Variants in MYO3A observed in about 807,000 individuals in gnomAD.
MYO3A encodes myosin IIIA.
In MYO3A, 180 loss-of-function variants were observed where a neutral mutation model predicts 192.7. The ratio of observed to expected loss-of-function variants is 0.93; its 90% CI spans 0.83 to 1.06. The LOEUF (loss-of-function observed/expected upper bound fraction) is 1.06, where lower values mean the gene tolerates loss of function less well. Ranked by LOEUF, MYO3A falls within the 50% of genes least tolerant of loss-of-function variation. MYO3A has a pLI of 0.00. For missense variants in MYO3A, 1,896 were observed against 1,905.0 expected (o/e 1.00, Z 0.09); for synonymous variants, 628 against 645.3 (o/e 0.97, Z 0.41).
chr10:26,138,120 C>G (rs1839955995), intron 20 of MYO3A, among the ~76,000 whole-genome samples: 1 of 152,126 alleles, frequency 6.6e-6, no homozygotes, highest in South Asian at 2.1e-4. Context: ...TGACCTACTC[C>G]CTGTTCTTGC....
chr10:25,958,028 C>G (rs1026747769), intron 4 of MYO3A, among the ~76,000 whole-genome samples: 6 of 152,164 alleles, frequency 3.9e-5, no homozygotes, highest in Non-Finnish European at 5.9e-5. Context: ...TTCTCCTATT[C>G]TGTAGGCTGT....
At chr10:26,176,880 G>A in intron 31 of MYO3A, 35 bp downstream of exon 31, 1 of 1,606,372 alleles carries the variant, frequency 6.2e-7, no homozygotes, top group Non-Finnish European at 8.5e-7. Context: ...TCCTGAATGG[G>A]AAGGAAATGC....
At chr10:26,178,455 G>A (rs1457464722) in intron 31 of MYO3A, among the ~76,000 whole-genome samples, 1 of 151,934 alleles carries the variant, frequency 6.6e-6, no homozygotes, top group African/African-American at 2.4e-5. Flanking sequence ...TGGAGGCTGA[G>A]GCAAGTAGAA....
chr10:26,195,058 A>C (rs964035924), intron 32 of MYO3A, among the ~76,000 whole-genome samples: 1 of 152,098 alleles, frequency 6.6e-6, no homozygotes, highest in African/African-American at 2.4e-5. Context: ...CATCACCTTA[A>C]AAAGAAACTC....
At chr10:25,960,872 T>G (rs1413315107) in intron 4 of MYO3A, among the ~76,000 whole-genome samples, 1 of 152,170 alleles carries the variant, frequency 6.6e-6, no homozygotes, top group African/African-American at 2.4e-5. Context: ...GTCAACTGCA[T>G]TTTTTATTTC....
At chr10:26,037,130 G>C (rs1241305549) in intron 10 of MYO3A, among the ~76,000 whole-genome samples, 2 of 152,170 alleles carry the variant, frequency 1.3e-5, no homozygotes, top group Admixed American at 6.5e-5. Flanking sequence ...TCTGGTAAAG[G>C]TGAGAGGATA....
chr10:26,195,027 C>T (rs1005491801), intron 32 of MYO3A, among the ~76,000 whole-genome samples: 1 of 152,124 alleles, frequency 6.6e-6, no homozygotes, highest in Non-Finnish European at 1.5e-5. Context: ...ACAATAATCA[C>T]AATCAATTTT....
chr10:26,032,622 C>G (rs1410750349), intron 10 of MYO3A, among the ~76,000 whole-genome samples: 1 of 148,902 alleles, frequency 6.7e-6, no homozygotes, highest in Non-Finnish European at 1.5e-5. Context: ...TCTCAAAAAA[C>G]AAAAAAACAA....
chr10:26,079,473 T>A (rs374372057), intron 14 of MYO3A, among the ~76,000 whole-genome samples: 1 of 152,230 alleles, frequency 6.6e-6, no homozygotes, highest in Non-Finnish European at 1.5e-5. Context: ...ATCTTTTAAG[T>A]GGAGCCTTTA....
At chr10:26,108,282 C>CA (rs748691010) in intron 17 of MYO3A, among the ~76,000 whole-genome samples, 1 of 152,168 alleles carries the variant, frequency 6.6e-6, no homozygotes, top group Non-Finnish European at 1.5e-5. Flanking sequence ...ATTTTGATTT[C>CA]ATTTTCATAA....
chr10:26,188,120 T>A (rs2132121968), intron 31 of MYO3A, among the ~76,000 whole-genome samples: 1 of 152,270 alleles, frequency 6.6e-6, no homozygotes, highest in African/African-American at 2.4e-5. Context: ...AGTGTAAAAG[T>A]GTTCCTATTT....
chr10:26,001,567 A>C (rs987359255), intron 6 of MYO3A, among the ~76,000 whole-genome samples: 1 of 152,218 alleles, frequency 6.6e-6, no homozygotes, highest in Non-Finnish European at 1.5e-5. Context: ...CTGGAGGCAG[A>C]CTACGGCCTG....
intron 4 of MYO3A, among the ~76,000 whole-genome samples, chr10:25,974,199 A>C (rs1838837198): frequency 6.6e-6 from 1 of 152,228 alleles, no homozygotes; most frequent in African/African-American, 2.4e-5. Flanking sequence ...GCATCCAACA[A>C]AGGACTAATA....
intron 10 of MYO3A, among the ~76,000 whole-genome samples, chr10:26,057,307 G>A (rs142874338): frequency 1.3e-5 from 2 of 152,290 alleles, no homozygotes; most frequent in East Asian, 3.9e-4. Context: ...CGGTGGAAAG[G>A]AAGCTTCTGA....
chr10:26,076,870 G>A (rs1321213972), intron 14 of MYO3A, among the ~76,000 whole-genome samples: 5 of 151,892 alleles, frequency 3.3e-5, no homozygotes, highest in African/African-American at 7.2e-5. Context: ...ATTTTTATAC[G>A]AGTACCATGC....
rs563578639 is a variant in MYO3A, at chr10:26,202,751, T to C, written c.4587-213T>C. The C allele has an allele frequency of 7.4e-5, 37 of 502,886 alleles. No individual in the cohort carries two copies. The East Asian group carries it at 1.3e-3, about 18-fold the overall frequency. The allele number at this position is 502,886 out of a possible 1,614,324, so 31.2% of individuals were successfully genotyped here. On this transcript the variant is annotated intron_variant, in intron 33 of 34. Transcript: ENST00000642920. ...AACCAGGAAAATGTGTTCCCACAGC[T>C]AATGTTCTGTTCAAGGTAAGATATG... is the stretch of plus-strand genomic sequence containing the variant.
At chr10:26,028,357 A>T (rs1195429154) in intron 10 of MYO3A, among the ~76,000 whole-genome samples, 1 of 152,210 alleles carries the variant, frequency 6.6e-6, no homozygotes, top group South Asian at 2.1e-4. Context: ...TGATCTTGGG[A>T]GATAATAATC....
intron 2 of MYO3A, among the ~76,000 whole-genome samples, chr10:25,940,465 C>G (rs1199784490): frequency 2.0e-5 from 3 of 152,070 alleles, no homozygotes; most frequent in African/African-American, 7.2e-5. Flanking sequence ...CACATTTCCA[C>G]TTTTGATTAT....
At chr10:25,998,573 C>T (rs2094996438) in intron 6 of MYO3A, among the ~76,000 whole-genome samples, 1 of 152,004 alleles carries the variant, frequency 6.6e-6, no homozygotes, top group South Asian at 2.1e-4. Flanking sequence ...TACAACAAAT[C>T]ATTCTTCACT....
Sources: gnomAD v4.1 joint callset for allele counts (sites outside exome capture counted in the v4.1 genomes callset) on GRCh38, gnomAD v4.1.1 for gene constraint, MANE v1.5 for transcripts, NCBI Gene and HGNC (gene_info 2026-07-23, HGNC 2026-07-21) for gene names.